PRKG1: variants seen among roughly 807,000 people sequenced by gnomAD.
PRKG1 encodes the protein protein kinase cGMP-dependent 1.
Under a neutral mutation model 88.1 loss-of-function variants are expected in PRKG1, and 35 were observed. That is an observed-to-expected ratio of 0.40 (90% CI 0.30 to 0.53). The LOEUF (loss-of-function observed/expected upper bound fraction) is 0.53, where lower values mean the gene tolerates loss of function less well. Among genes scored for constraint, PRKG1 ranks in the 20% least tolerant of loss-of-function variants. The pLI is 0.59. For missense variants in PRKG1, 540 were observed against 839.8 expected, an observed-to-expected ratio of 0.64 and a Z score of 4.41; for synonymous variants, 303 against 292.5, an observed-to-expected ratio of 1.04 and a Z score of -0.37.
chr10:52,170,668 T>C (rs1838644313), intron 9 of PRKG1, among the ~76,000 whole-genome samples: 1 of 152,214 alleles, frequency 6.6e-6, no homozygotes, highest in South Asian at 2.1e-4. Flanking sequence ...ATTTCCGTAA[T>C]TAGTCCTCAT....
At chr10:52,135,535 T>C (rs1020026128) in intron 8 of PRKG1, among the ~76,000 whole-genome samples, 1 of 152,054 alleles carries the variant, frequency 6.6e-6, no homozygotes. Context: ...CAGTTGGTGA[T>C]TATGAGACCA....
At chr10:52,183,637 G>A (rs1161702288) in intron 9 of PRKG1, among the ~76,000 whole-genome samples, 2 of 152,188 alleles carry the variant, frequency 1.3e-5, no homozygotes, top group South Asian at 2.1e-4. Context: ...TGAAGATGGA[G>A]CCCCACTGCT....
chr10:51,874,832 G>A (rs753490672), intron 4 of PRKG1, among the ~76,000 whole-genome samples: 1 of 152,088 alleles, frequency 6.6e-6, no homozygotes, highest in Non-Finnish European at 1.5e-5. Context: ...TTTTCCCACT[G>A]TAAAATGAGG....
chr10:51,607,165 G>C (rs1174182087), intron 3 of PRKG1, among the ~76,000 whole-genome samples: 1 of 152,212 alleles, frequency 6.6e-6, no homozygotes, highest in Non-Finnish European at 1.5e-5. Flanking sequence ...CTCTCACTGA[G>C]AGGCTTTAAT....
chr10:52,062,644 T>C lies in PRKG1; in HGVS notation c.935+13T>C, dbSNP rs761114160. 1.3e-5 allele frequency: 20 copies of C among 1,565,536 alleles called. No individual in the cohort carries two copies. The highest frequency in any genetic ancestry group is 1.6e-5 in the Non-Finnish European group (18 of 1,147,082). ...AAGCCTTGCAGGGGTAAGTAGATCA[T>C]GTGTTATACAGGTTTTTGTTTGAGT... is the stretch of plus-strand genomic sequence containing the variant. On this transcript the variant is annotated intron_variant, in intron 7 of 17. Transcript: ENST00000373980.
intron 14 of PRKG1, among the ~76,000 whole-genome samples, chr10:52,282,519 C>A (rs886222132): frequency 3.3e-5 from 5 of 152,072 alleles, no homozygotes; most frequent in Admixed American, 6.6e-5. Context: ...TGAACACTAA[C>A]TTTTGGTCTC....
intron 2 of PRKG1, among the ~76,000 whole-genome samples, chr10:51,159,877 T>C (rs1846317010): frequency 6.6e-6 from 1 of 152,152 alleles, no homozygotes; most frequent in African/African-American, 2.4e-5. Context: ...ATGCAGGTTA[T>C]AGTGAAGTCT....
At chr10:51,647,258 G>T (rs1434294376) in intron 3 of PRKG1, among the ~76,000 whole-genome samples, 4 of 152,082 alleles carry the variant, frequency 2.6e-5, no homozygotes, top group Non-Finnish European at 2.9e-5. Flanking sequence ...TCTCAGCTCT[G>T]CCCAATGAAG....
At chr10:52,069,318 G>A (rs1460164107) in intron 7 of PRKG1, among the ~76,000 whole-genome samples, 1 of 152,072 alleles carries the variant, frequency 6.6e-6, no homozygotes, top group Non-Finnish European at 1.5e-5. Context: ...ACCACTTGAG[G>A]TCAGGAGTTT....
chr10:52,152,682 T>C (rs1837967609), intron 8 of PRKG1, among the ~76,000 whole-genome samples: 1 of 152,184 alleles, frequency 6.6e-6, no homozygotes, highest in Admixed American at 6.5e-5. Flanking sequence ...ATCTGATTTA[T>C]GTTTTTAAAA....
intron 14 of PRKG1, among the ~76,000 whole-genome samples, chr10:52,287,800 G>A (rs1292938272): frequency 6.6e-6 from 1 of 151,832 alleles, no homozygotes; most frequent in African/African-American, 2.4e-5. Context: ...ATTATCTAAT[G>A]AGGTCCTCTG....
chr10:51,340,663 A>T lies in PRKG1; in HGVS notation c.479-127060A>T, dbSNP rs576535938. Reference sequence around the variant, plus strand: ...CCTAAGCCAAACCAATACATATCTCATCATTTCATGAAAGCTATCTAGCTT... The same window carrying T: ...CCTAAGCCAAACCAATACATATCTCTTCATTTCATGAAAGCTATCTAGCTT... On this transcript the variant is annotated intron_variant, in intron 2 of 17. Coordinates refer to ENST00000373980, the MANE Select transcript of PRKG1 (RefSeq NM_006258.4). Among the ~76,000 whole-genome samples, 17 of 152,118 alleles carry T rather than the reference A, an allele frequency of 1.1e-4. No homozygotes were observed. The South Asian group carries it at 3.5e-3, about 32-fold the overall frequency.
At position 51,214,089 on chromosome 10, in the gene PRKG1, C is replaced by G. The variant is rs1160081437; in HGVS notation, c.478+60759C>G. 1.3e-5 allele frequency among the ~76,000 whole-genome samples: 2 copies of G among 151,990 alleles called. 1 individual carries two copies. The highest frequency in any genetic ancestry group is 2.9e-5 in the Non-Finnish European group (2 of 68,000). On this transcript the variant is annotated intron_variant, in intron 2 of 17. Transcript: ENST00000373980. ...AATTTTGTTAGAGAACCTAAAGCAC[C>G]TAGAGTTATTTCTAATATTAGAAGA...
At chr10:51,663,286 T>A (rs1409052639) in intron 3 of PRKG1, among the ~76,000 whole-genome samples, 3 of 152,124 alleles carry the variant, frequency 2.0e-5, no homozygotes, top group Non-Finnish European at 4.4e-5. Context: ...ATGCCATGGC[T>A]GTGTGAGAAA....
At chr10:51,899,316 A>G (rs1841926528) in intron 4 of PRKG1, among the ~76,000 whole-genome samples, 2 of 152,108 alleles carry the variant, frequency 1.3e-5, no homozygotes, top group Non-Finnish European at 2.9e-5. Flanking sequence ...AACATATTAT[A>G]TTGTAACATA....
At chr10:51,238,333 C>A (rs1839054658) in intron 2 of PRKG1, among the ~76,000 whole-genome samples, 1 of 152,182 alleles carries the variant, frequency 6.6e-6, no homozygotes, top group South Asian at 2.1e-4. Flanking sequence ...ATAATCCCAG[C>A]ACTTTGAGAG....
At chr10:51,062,558 G>T (rs1214115605) in intron 1 of PRKG1, 1 of 152,058 alleles carries the variant, frequency 6.6e-6, no homozygotes, top group Non-Finnish European at 1.5e-5. Context: ...TCCATCATCA[G>T]AAGAAGAAAT....
At chr10:51,551,965 A>C (rs754467117) in intron 3 of PRKG1, among the ~76,000 whole-genome samples, 1 of 151,616 alleles carries the variant, frequency 6.6e-6, no homozygotes, top group Non-Finnish European at 1.5e-5. Flanking sequence ...TTTTATTAAC[A>C]GGGGAGAAAT....
At chr10:51,438,607 C>A (rs1839005949) in intron 2 of PRKG1, among the ~76,000 whole-genome samples, 1 of 151,800 alleles carries the variant, frequency 6.6e-6, no homozygotes, top group Admixed American at 6.6e-5. Context: ...AGGTAGAGTA[C>A]CATCTTAATC....
Sources: gnomAD v4.1 joint callset for allele counts (sites outside exome capture counted in the v4.1 genomes callset) on GRCh38, gnomAD v4.1.1 for gene constraint, MANE v1.5 for transcripts, NCBI Gene and HGNC (gene_info 2026-07-23, HGNC 2026-07-21) for gene names.